PKIA: variants seen among roughly 807,000 people sequenced by gnomAD.
PKIA encodes PKI-alpha.
Under a neutral mutation model 7.6 loss-of-function variants are expected in PKIA, and 4 were observed. That is an observed-to-expected ratio of 0.52 (90% confidence interval 0.26 to 1.20). The LOEUF is 1.20. Ranked by LOEUF, PKIA falls within the 50% of genes most tolerant of loss-of-function variation. The pLI, the probability that PKIA is intolerant of heterozygous loss-of-function variation, is 0.13. For missense variants in PKIA, 73 were observed against 86.2 expected (o/e 0.85, Z 0.61); for synonymous variants, 21 against 30.7 (o/e 0.68, Z 1.04).
At chr8:78,534,193 C>T (rs1806461056) in intron 1 of PKIA, 1 of 152,040 alleles carries the variant, frequency 6.6e-6, no homozygotes, top group South Asian at 2.1e-4. Flanking sequence ...TCAAGAGTTT[C>T]CCATCAGTTT....
chr8:78,557,302 A>G lies in PKIA; in HGVS notation c.-156-15509A>G, dbSNP rs1807163656. ...AAAATGGCACCACTGGTAGTTTTCC[A>G]GGGACTTAATATTTCTGACACACAC... On this transcript the variant is annotated intron_variant, in intron 1 of 3. Coordinates refer to ENST00000396418, the MANE Select transcript of PKIA (RefSeq NM_006823.4). Among the ~76,000 whole-genome samples, 3 of 152,180 alleles carry G rather than the reference A, an allele frequency of 2.0e-5. 1 individual carries two copies. In the South Asian group the frequency reaches 6.2e-4, roughly 32 times the overall value.
chr8:78,521,109 G>A (rs1332458367), intron 1 of PKIA, among the ~76,000 whole-genome samples: 4 of 151,996 alleles, frequency 2.6e-5, no homozygotes, highest in Admixed American at 2.6e-4. Context: ...TCCAATCAAA[G>A]CCATTTTTAC....
At chr8:78,579,017 A>G (rs1028100953) in intron 2 of PKIA, among the ~76,000 whole-genome samples, 4 of 151,978 alleles carry the variant, frequency 2.6e-5, no homozygotes, top group Non-Finnish European at 5.9e-5. Context: ...AGTTGTTTCC[A>G]TCTCCATTTG....
chr8:78,577,739 A>T (rs117395114), intron 2 of PKIA, among the ~76,000 whole-genome samples: 1,879 of 152,166 alleles, frequency 0.012, 12 homozygotes, highest in Non-Finnish European at 0.019. Flanking sequence ...AATAGAATGA[A>T]GACCTTATCT....
chr8:78,532,723 G>A (rs1293647582), intron 1 of PKIA, among the ~76,000 whole-genome samples: 5 of 151,782 alleles, frequency 3.3e-5, no homozygotes, highest in South Asian at 2.1e-4. Context: ...CCTGGCCAAC[G>A]TGGTGGTATC....
chr8:78,524,220 T>A (rs959645229), intron 1 of PKIA, among the ~76,000 whole-genome samples: 16 of 134,632 alleles, frequency 1.2e-4, no homozygotes, highest in South Asian at 4.3e-4. Context: ...ATATAAACAT[T>A]TATATTTATA....
At chr8:78,573,139 T>G (rs551291208) in intron 2 of PKIA, among the ~76,000 whole-genome samples, 200 bp downstream of exon 2, 125 of 152,196 alleles carry the variant, frequency 8.2e-4, no homozygotes, top group Non-Finnish European at 1.5e-3. Flanking sequence ...CTTTTTTCTA[T>G]TTTTAGCTTG....
At chr8:78,551,186 T>C (rs973231598) in intron 1 of PKIA, among the ~76,000 whole-genome samples, 6 of 151,544 alleles carry the variant, frequency 4.0e-5, no homozygotes, top group Non-Finnish European at 7.4e-5. Context: ...AAAAGAAGAG[T>C]CTTTAGTTTG....
At position 78,603,381 on chromosome 8, in the gene PKIA, T is replaced by A. The variant is rs1808399306; in HGVS notation, c.*1560T>A. ...TGTGGTTGTGCCAGAAACTCAGCCC[T>A]TCTATGTAATTACATACAGGATAAA... On this transcript the variant is annotated 3_prime_UTR_variant, in exon 4 of 4. Transcript: ENST00000396418. 6.6e-6 allele frequency: 1 copy of A among 152,052 alleles called. No individual in the cohort carries two copies. 9.4% of individuals were successfully genotyped at this position (152,052 alleles called of 1,614,324 possible).
intron 1 of PKIA, among the ~76,000 whole-genome samples, chr8:78,530,923 G>C (rs759361171): frequency 1.3e-5 from 2 of 152,042 alleles, no homozygotes; most frequent in Non-Finnish European, 2.9e-5. Context: ...TTTGAAAACA[G>C]GTCACTTGTA....
chr8:78,595,377 G>A (rs987728283), intron 2 of PKIA, among the ~76,000 whole-genome samples: 3 of 152,058 alleles, frequency 2.0e-5, no homozygotes, highest in Non-Finnish European at 4.4e-5. Flanking sequence ...CGAGGGGAGA[G>A]AATTTCCAGA....
intron 1 of PKIA, among the ~76,000 whole-genome samples, chr8:78,548,087 T>C (rs1806880101): frequency 6.6e-6 from 1 of 152,072 alleles, no homozygotes; most frequent in African/African-American, 2.4e-5. Flanking sequence ...AATATTAGAA[T>C]AACAGTATTA....
chr8:78,543,916 T>C (rs1806757815), intron 1 of PKIA, among the ~76,000 whole-genome samples: 1 of 152,248 alleles, frequency 6.6e-6, no homozygotes, highest in South Asian at 2.1e-4. Context: ...CTCCGTTATT[T>C]CCAATTTCCC....
chr8:78,533,634 G>A (rs1024115229), intron 1 of PKIA, among the ~76,000 whole-genome samples: 4 of 152,018 alleles, frequency 2.6e-5, no homozygotes, highest in African/African-American at 7.2e-5. Flanking sequence ...AGATGGAGGA[G>A]TGCTTGAAGC....
intron 1 of PKIA, among the ~76,000 whole-genome samples, chr8:78,547,831 G>A (rs1450076608): frequency 6.6e-6 from 1 of 151,948 alleles, no homozygotes; most frequent in African/African-American, 2.4e-5. Context: ...AAGTTTCCCA[G>A]ATTAATCCAA....
At position 78,547,251 on chromosome 8, in the gene PKIA, G is replaced by C. The variant is rs567199882; in HGVS notation, c.-156-25560G>C. ...AGCCTCCCAAGTAGCTGGGATTATA[G>C]GCGCCACCACACCCGGCTAATTTTT... On this transcript the variant is annotated intron_variant, in intron 1 of 3. Coordinates refer to ENST00000396418, the MANE Select transcript of PKIA (RefSeq NM_006823.4). Among the ~76,000 whole-genome samples, 421 of 152,086 alleles carry C rather than the reference G, an allele frequency of 2.8e-3. 1 individual carries two copies. Among genetic ancestry groups the C allele is most frequent in the Non-Finnish European group, 5.1e-3 (345 of 67,984 alleles).
intron 1 of PKIA, chr8:78,535,797 C>A (rs1160966923): frequency 3.9e-5 from 6 of 152,142 alleles, no homozygotes; most frequent in African/African-American, 1.4e-4. Context: ...CTATTTACAT[C>A]GCATTTACTT....
At chr8:78,567,686 G>T (rs953252119) in intron 1 of PKIA, among the ~76,000 whole-genome samples, 1 of 152,110 alleles carries the variant, frequency 6.6e-6, no homozygotes. Context: ...GTTATACTCC[G>T]CCTTCTTTGG....
chr8:78,567,110 C>T lies in PKIA; in HGVS notation c.-156-5701C>T, dbSNP rs1265855229. On this transcript the variant is annotated intron_variant, in intron 1 of 3. Transcript: ENST00000396418. ...TTTATATTTTAAAACAGTTTTAATT[C>T]AGAAAATTTGAAAGTATATTATAGA... Among the ~76,000 whole-genome samples the T allele has an allele frequency of 5.3e-5, 8 of 152,160 alleles. No individual in the cohort carries two copies. In the East Asian group the frequency reaches 1.5e-3, roughly 29 times the overall value.
Sources: allele counts gnomAD v4.1 joint callset (sites outside exome capture counted in the v4.1 genomes callset), GRCh38; gene constraint gnomAD v4.1.1; transcripts MANE v1.5; gene names NCBI Gene and HGNC (gene_info 2026-07-23, HGNC 2026-07-21).